Variants in CAST observed in about 807,000 individuals in gnomAD.
CAST encodes calpastatin.
In CAST, 76 loss-of-function variants were observed where a neutral mutation model predicts 119.6. The ratio of observed to expected loss-of-function variants is 0.64; its 90% CI spans 0.53 to 0.77. The LOEUF is 0.77. CAST is among the 30% of genes least tolerant of loss of function. CAST has a pLI of 0.00. For synonymous variants in CAST, 319 were observed against 331.6 expected, an observed-to-expected ratio of 0.96 and a Z score of 0.41; for missense variants, 953 against 946.5, an observed-to-expected ratio of 1.01 and a Z score of -0.09.
the CAST span, among the ~76,000 whole-genome samples, chr5:96,338,665 T>C: frequency 6.6e-6 from 1 of 152,202 alleles, no homozygotes; most frequent in Non-Finnish European, 1.5e-5. Context: ...TATATTATAT[T>C]TCTCTTTCTG....
At chr5:96,503,130 T>C in the CAST span, among the ~76,000 whole-genome samples, 1 of 152,246 alleles carries the variant, frequency 6.6e-6, no homozygotes, top group Non-Finnish European at 1.5e-5. Flanking sequence ...TACCTTTCAA[T>C]CTTTTTAAAT....
At chr5:96,307,280 C>T in the CAST span, among the ~76,000 whole-genome samples, 6 of 151,978 alleles carry the variant, frequency 3.9e-5, no homozygotes, top group Non-Finnish European at 8.8e-5. Flanking sequence ...GACCCCTGCT[C>T]TTTTTTTGCC....
At chr5:96,342,992 A>G in the CAST span, among the ~76,000 whole-genome samples, 1 of 152,208 alleles carries the variant, frequency 6.6e-6, no homozygotes, top group South Asian at 2.1e-4. Context: ...AGGTGTGGGA[A>G]TAGGGCAATG....
the CAST span, among the ~76,000 whole-genome samples, chr5:96,405,057 C>A: frequency 6.6e-6 from 1 of 152,060 alleles, no homozygotes; most frequent in Non-Finnish European, 1.5e-5. Context: ...GGTCACATGT[C>A]TAGAAATTCT....
At chr5:96,108,959 A>T in the CAST span, among the ~76,000 whole-genome samples, 1 of 152,256 alleles carries the variant, frequency 6.6e-6, no homozygotes, top group Non-Finnish European at 1.5e-5. Context: ...GGAAAAGCGC[A>T]GTATTTGGGT....
At chr5:96,051,685 T>G in the CAST span, among the ~76,000 whole-genome samples, 1 of 152,190 alleles carries the variant, frequency 6.6e-6, no homozygotes, top group Non-Finnish European at 1.5e-5. Context: ...GTTAGTGTGA[T>G]GGCAGCCAGA....
chr5:96,347,897 G>A, the CAST span, among the ~76,000 whole-genome samples: 2 of 152,156 alleles, frequency 1.3e-5, no homozygotes, highest in Non-Finnish European at 2.9e-5. Flanking sequence ...TGGAGAGAGG[G>A]TGAAGTGAGA....
the CAST span, among the ~76,000 whole-genome samples, chr5:96,240,971 T>A: frequency 1.1e-4 from 16 of 152,184 alleles, no homozygotes; most frequent in Non-Finnish European, 2.1e-4. Flanking sequence ...ATTTATTATG[T>A]ACTAATATCA....
intron 5 of CAST, 98 bp from the exon 6 acceptor site, chr5:96,727,391 A>T (rs2150426153): frequency 1.7e-6 from 1 of 590,454 alleles, no homozygotes; most frequent in East Asian, 3.1e-5. Context: ...ATCTCTTTTG[A>T]GTTTCCTCAG....
intron 1 of CAST, among the ~76,000 whole-genome samples, chr5:96,645,400 C>T (rs1485085215): frequency 2.0e-5 from 3 of 152,104 alleles, no homozygotes; most frequent in African/African-American, 7.2e-5. Flanking sequence ...TTATTTCGCC[C>T]TTTCTATATT....
chr5:96,271,047 T>C, the CAST span, among the ~76,000 whole-genome samples: 1 of 151,824 alleles, frequency 6.6e-6, no homozygotes, highest in Admixed American at 6.6e-5. Context: ...CTACAAATAA[T>C]ATAAAATGAT....
intron 3 of CAST, among the ~76,000 whole-genome samples, chr5:96,716,081 C>T (rs1404341017): frequency 6.6e-6 from 1 of 152,152 alleles, no homozygotes; most frequent in African/African-American, 2.4e-5. Context: ...GCTTGGCAAA[C>T]AACAGACATC....
the CAST span, among the ~76,000 whole-genome samples, chr5:96,461,956 A>G: frequency 6.6e-6 from 1 of 152,124 alleles, no homozygotes; most frequent in Non-Finnish European, 1.5e-5. Flanking sequence ...TCAGGTGGAC[A>G]GCACTAATAA....
At chr5:96,730,373 G>A (rs1760202608) in intron 8 of CAST, among the ~76,000 whole-genome samples, 1 of 152,160 alleles carries the variant, frequency 6.6e-6, no homozygotes, top group Non-Finnish European at 1.5e-5. Context: ...TTACAATGTT[G>A]TTAAAAAATT....
the CAST span, among the ~76,000 whole-genome samples, chr5:96,452,091 C>G: frequency 1.3e-5 from 2 of 152,286 alleles, no homozygotes; most frequent in East Asian, 3.9e-4. Flanking sequence ...GGTGATTCCT[C>G]AAGGATCTAG....
At chr5:96,563,603 A>G (rs1364537491) in intron 1 of CAST, among the ~76,000 whole-genome samples, 1 of 152,154 alleles carries the variant, frequency 6.6e-6, no homozygotes, top group Non-Finnish European at 1.5e-5. Context: ...CACTGTGTCT[A>G]TCTTCAGATA....
chr5:96,450,861 T>C, the CAST span, among the ~76,000 whole-genome samples: 1 of 152,228 alleles, frequency 6.6e-6, no homozygotes, highest in African/African-American at 2.4e-5. Flanking sequence ...ATTTAGGGTA[T>C]CTTTCAATCT....
intron 3 of CAST, chr5:96,702,778 C>G: frequency 1.0e-6 from 1 of 985,478 alleles, no homozygotes; most frequent in Non-Finnish European, 1.2e-6. Flanking sequence ...GCGTCGCCTT[C>G]CCGGGACCGC....
chr5:96,453,245 G>A, the CAST span, among the ~76,000 whole-genome samples: 2 of 152,144 alleles, frequency 1.3e-5, no homozygotes, highest in African/African-American at 4.8e-5. Context: ...TTTCACCACT[G>A]TGTGTATAAT....
Sources: allele counts gnomAD v4.1 joint callset (sites outside exome capture counted in the v4.1 genomes callset), GRCh38; gene constraint gnomAD v4.1.1; transcripts MANE v1.5; gene names NCBI Gene and HGNC (gene_info 2026-07-23, HGNC 2026-07-21).